The following IARS2 variants were observed in gnomAD, a reference collection of about 807,000 sequenced individuals.
The protein encoded by IARS2 is isoleucine--tRNA ligase, mitochondrial.
IARS2 carries 56 observed loss-of-function variants against 126.3 expected under a neutral mutation model. The observed-to-expected ratio is 0.44, with a 90% CI of 0.36 to 0.55. IARS2 has a LOEUF of 0.55. IARS2 is among the 20% of genes least tolerant of loss of function. The pLI, the probability that IARS2 is intolerant of heterozygous loss-of-function variation, is 0.00. For missense variants in IARS2, 1,127 were observed against 1,245.9 expected, an observed-to-expected ratio of 0.90 and a Z score of 1.44; for synonymous variants, 407 against 441.1, an observed-to-expected ratio of 0.92 and a Z score of 0.97.
chr1:220,124,461 G>A (rs1277702510), intron 12 of IARS2, among the ~76,000 whole-genome samples: 1 of 152,140 alleles, frequency 6.6e-6, no homozygotes, highest in East Asian at 1.9e-4. Flanking sequence ...CCAGGGGAGG[G>A]ATCTTGTGTA....
chr1:220,141,111 G>A (rs1208012708), intron 19 of IARS2, among the ~76,000 whole-genome samples: 1 of 152,112 alleles, frequency 6.6e-6, no homozygotes, highest in South Asian at 2.1e-4. Flanking sequence ...TGTAAAATGG[G>A]TATAATAATA....
At position 220,102,702 on chromosome 1, in the gene IARS2, T is replaced by C; in HGVS notation, c.875T>C (p.Val292Ala). 6.2e-7 allele frequency: 1 copy of C among 1,612,420 alleles called. No individual in the cohort carries two copies. The highest frequency in any genetic ancestry group is 8.5e-7 in the Non-Finnish European group (1 of 1,178,430). ...LASLIDGSSP[V>A]SILVWTTQPW... ...ATTTTCACAGATGGTTCATCTCCTG[T>C]TAGTATTTTGGTCTGGACCACACAA... Residue 292 changes from valine to alanine, a missense_variant, in exon 7 of 23, where the codon GTT (valine) becomes GCT (alanine). Transcript: ENST00000366922.
intron 14 of IARS2, among the ~76,000 whole-genome samples, chr1:220,134,168 C>T (rs1023601955): frequency 2.0e-5 from 3 of 152,140 alleles, no homozygotes; most frequent in Non-Finnish European, 2.9e-5. Flanking sequence ...AGAAAGGATA[C>T]TGTGTTTATT....
chr1:220,145,845 G>A (rs1260367494), intron 22 of IARS2, among the ~76,000 whole-genome samples, 192 bp downstream of exon 22: 1 of 152,106 alleles, frequency 6.6e-6, no homozygotes, highest in Non-Finnish European at 1.5e-5. Flanking sequence ...GATGATCTTG[G>A]GAACTGAGGG....
intron 2 of IARS2, among the ~76,000 whole-genome samples, chr1:220,099,008 C>T (rs1035536657): frequency 9.9e-5 from 15 of 151,586 alleles, no homozygotes; most frequent in African/African-American, 1.7e-4. Context: ...GTCAGGAGTT[C>T]GAGACCAGCC....
At chr1:220,143,907 A>G in intron 21 of IARS2, 1 of 837,234 alleles carries the variant, frequency 1.2e-6, no homozygotes, top group South Asian at 1.5e-5. Flanking sequence ...GGCAATGAAT[A>G]TAATTTTTTT....
At chr1:220,117,447 G>A (rs566934721) in intron 12 of IARS2, among the ~76,000 whole-genome samples, 3 of 151,582 alleles carry the variant, frequency 2.0e-5, no homozygotes, top group East Asian at 1.9e-4. Context: ...TGATCCGCCC[G>A]CCTCAGCCTC....
At chr1:220,108,856 CTTT>C in intron 10 of IARS2, among the ~76,000 whole-genome samples, 1 of 68,248 alleles carries the variant, frequency 1.5e-5, no homozygotes, top group African/African-American at 7.3e-5. Flanking sequence ...TGTGAATCCT[CTTT>C]TTTTTTTTTT....
At chr1:220,096,297 T>G (rs1656437512) in intron 2 of IARS2, 71 bp downstream of exon 2, 1 of 908,050 alleles carries the variant, frequency 1.1e-6, no homozygotes, top group Non-Finnish European at 1.6e-6. Flanking sequence ...ATGTGTATTC[T>G]AATTATATGA....
intron 11 of IARS2, 143 bp from the exon 12 acceptor site, chr1:220,114,171 A>T: frequency 1.5e-6 from 1 of 658,920 alleles, no homozygotes; most frequent in Non-Finnish European, 2.7e-6. Context: ...TTAGTTCTTT[A>T]GTTGTTTTTT....
Position 220,112,204 on chromosome 1 carries a change from G to A in IARS2, c.1479+1267G>A, listed in dbSNP as rs1297202147. ...CTGCGGACTGCAGTGGCGCAATCTC[G>A]GCTCACTGCAAGCTCCGCTTCCCGG... On this transcript the variant is annotated intron_variant, in intron 11 of 22. Coordinates refer to ENST00000366922, the MANE Select transcript of IARS2 (RefSeq NM_018060.4). Among the ~76,000 whole-genome samples, 4 of 59,102 alleles carry A rather than the reference G, an allele frequency of 6.8e-5. 2 individuals are homozygous for A. The highest frequency in any genetic ancestry group is 1.6e-4 in the African/African-American group (2 of 12,704). The allele number at this position is 59,102 out of a possible 152,430, so 38.8% of individuals were successfully genotyped here.
At chr1:220,121,457 C>T (rs1008343620) in intron 12 of IARS2, among the ~76,000 whole-genome samples, 12 of 152,040 alleles carry the variant, frequency 7.9e-5, no homozygotes, top group African/African-American at 1.9e-4. Context: ...TGGGATTTTA[C>T]GGTTGCTTTA....
chr1:220,123,917 C>G (rs1261329992), intron 12 of IARS2, among the ~76,000 whole-genome samples: 1 of 152,224 alleles, frequency 6.6e-6, no homozygotes, highest in Non-Finnish European at 1.5e-5. Flanking sequence ...AGTATTTATT[C>G]AAATGTGCCA....
intron 11 of IARS2, among the ~76,000 whole-genome samples, chr1:220,111,598 ATGTGTGTG>A (rs34903707): frequency 3.0e-5 from 4 of 134,858 alleles, no homozygotes; most frequent in South Asian, 2.5e-4. Context: ...ATATATATAT[ATGTGTGTG>A]TGTGTGTGTG....
intron 21 of IARS2, among the ~76,000 whole-genome samples, chr1:220,144,616 C>T (rs77340338): frequency 0.071 from 10,871 of 152,262 alleles, 519 homozygotes; most frequent in South Asian, 0.14. Flanking sequence ...GACAGGGTAA[C>T]ACAGCCTAGT....
Position 220,145,744 on chromosome 1 carries a change from A to C in IARS2, c.2896+91A>C, listed in dbSNP as rs1657573309. 3 of 1,059,880 alleles carry C rather than the reference A, an allele frequency of 2.8e-6. No homozygotes were observed. In the South Asian group the frequency reaches 5.8e-5, roughly 20 times the overall value. 65.7% of individuals were successfully genotyped at this position (1,059,880 alleles called of 1,614,324 possible). On this transcript the variant is annotated intron_variant, in intron 22 of 22. Coordinates refer to ENST00000366922, the MANE Select transcript of IARS2 (RefSeq NM_018060.4). Reference sequence around the variant, plus strand: ...TTTCCAGTGGACTGGGTTTATTCTAAAGGTAGATATATACTTGGAATACAT... The same window carrying C: ...TTTCCAGTGGACTGGGTTTATTCTACAGGTAGATATATACTTGGAATACAT...
Position 220,094,415 on chromosome 1 carries a change from C to T in IARS2, c.199C>T (p.Pro67Ser), listed in dbSNP as rs1656393232. ...SGRYRDTVLL[P>S]QTSFPMKLLG... is the part of the protein sequence containing the mutation. ...CAGATACCGGGACACGGTGCTGCTG[C>T]CGCAGACGAGCTTCCCCATGAAGCT... Residue 67 changes from proline to serine, a missense_variant, in exon 1 of 23, where the codon CCG becomes TCG. Physicochemically the swap from Pro to Ser is moderately conservative, Grantham distance 74 (BLOSUM62 -1). Coordinates refer to ENST00000366922, the MANE Select transcript of IARS2 (RefSeq NM_018060.4). 2 of 1,611,738 alleles carry T rather than the reference C, an allele frequency of 1.2e-6. No homozygotes were observed. The highest frequency in any genetic ancestry group is 1.3e-5 in the African/African-American group (1 of 74,862).
intron 14 of IARS2, among the ~76,000 whole-genome samples, chr1:220,128,552 A>G (rs1657197902): frequency 1.3e-5 from 2 of 152,204 alleles, no homozygotes; most frequent in Non-Finnish European, 2.9e-5. Flanking sequence ...TTCTCAGAGC[A>G]TATCTCTATT....
intron 17 of IARS2, among the ~76,000 whole-genome samples, chr1:220,138,476 A>C (rs187529097): frequency 1.3e-3 from 201 of 152,280 alleles, no homozygotes; most frequent in Non-Finnish European, 2.2e-3. Flanking sequence ...TCTCAAAAAA[A>C]ACAAAAAACT....
Sources: allele counts gnomAD v4.1 joint callset (sites outside exome capture counted in the v4.1 genomes callset), GRCh38; gene constraint gnomAD v4.1.1; transcripts MANE v1.5; gene names NCBI Gene and HGNC (gene_info 2026-07-23, HGNC 2026-07-21).